The following DNAJB14 variants were observed in gnomAD, a reference collection of about 807,000 sequenced individuals.
DNAJB14 encodes DnaJ heat shock protein family (Hsp40) member B14, also known as dnaJ homolog subfamily B member 14.
DNAJB14 carries 22 observed loss-of-function variants against 48.4 expected under a neutral mutation model. The ratio of observed to expected loss-of-function variants is 0.45; its 90% CI spans 0.32 to 0.65. DNAJB14 has a LOEUF of 0.65. DNAJB14 is among the 30% of genes least tolerant of loss of function. The probability of loss-of-function intolerance (pLI) is 0.03; values close to 1 mark genes in which losing one functional copy is unlikely to be tolerated. For missense variants in DNAJB14, 319 were observed against 458.8 expected, an observed-to-expected ratio of 0.70 and a Z score of 2.78; for synonymous variants, 142 against 158.7, an observed-to-expected ratio of 0.89 and a Z score of 0.79.
At chr4:99,902,142 C>T (rs375685661) in intron 7 of DNAJB14, among the ~76,000 whole-genome samples, 13 of 152,154 alleles carry the variant, frequency 8.5e-5, no homozygotes, top group African/African-American at 2.2e-4. Context: ...GAAGTTCACA[C>T]TGCTAACGAA....
At chr4:99,902,197 A>G (rs1409583589) in intron 7 of DNAJB14, among the ~76,000 whole-genome samples, 1 of 152,066 alleles carries the variant, frequency 6.6e-6, no homozygotes, top group African/African-American at 2.4e-5. Flanking sequence ...GCCTAGCCTA[A>G]TATTCTTTCC....
chr4:99,914,951 G>A (rs2110201631), intron 3 of DNAJB14, among the ~76,000 whole-genome samples: 1 of 151,926 alleles, frequency 6.6e-6, no homozygotes, highest in Non-Finnish European at 1.5e-5. Flanking sequence ...ATTTTTTTCA[G>A]AGAACCAGCT....
At chr4:99,914,295 C>A (rs935851707) in intron 3 of DNAJB14, among the ~76,000 whole-genome samples, 1 of 152,164 alleles carries the variant, frequency 6.6e-6, no homozygotes, top group African/African-American at 2.4e-5. Flanking sequence ...CACATATACA[C>A]CATGGAATAC....
chr4:99,900,478 A>T lies in DNAJB14; in HGVS notation c.*550T>A. 1 of 152,100 alleles carries T rather than the reference A, an allele frequency of 6.6e-6. No homozygotes were observed. Among genetic ancestry groups the T allele is most frequent in the African/African-American group, 2.4e-5 (1 of 41,448 alleles). 9.4% of individuals were successfully genotyped at this position (152,100 alleles called of 1,614,324 possible). A position where few individuals can be genotyped will look rare whatever the true frequency, so the allele number is the denominator to read the frequency against. On this transcript the variant is annotated 3_prime_UTR_variant, in exon 8 of 8. Coordinates refer to ENST00000442697, the MANE Select transcript of DNAJB14 (RefSeq NM_001031723.4). ...TATCAATTCCCTCTAAGCTGATAAT[A>T]CTATAAGATTTTACACAAAGTTAAA...
intron 5 of DNAJB14, 30 bp from the exon 6 acceptor site, chr4:99,905,736 T>C: frequency 6.3e-7 from 1 of 1,591,474 alleles, no homozygotes; most frequent in Non-Finnish European, 8.6e-7. Context: ...AATAACAAAT[T>C]GTAATATAAC....
intron 2 of DNAJB14, chr4:99,924,464 G>A: frequency 3.9e-6 from 1 of 256,680 alleles, no homozygotes; most frequent in Non-Finnish European, 7.3e-6. Context: ...GGTAAAAAGG[G>A]AAAGTAATAT....
chr4:99,908,729 C>A lies in DNAJB14; in HGVS notation c.619G>T (p.Gly207Trp). 1.3e-6 allele frequency: 2 copies of A among 1,591,230 alleles called. No individual in the cohort carries two copies. The highest frequency in any genetic ancestry group is 2.3e-5 in the East Asian group (1 of 44,190). ...TPEDLFNIFF[G>W]GGFPSGSVHS... ...AAAATACCTGAAGGAAATCCACCCC[C>A]AAAAAATATATTAAACAAGTCTTCT... The change falls in exon 4 of 8, where the codon GGG becomes TGG. Residue 207 changes from glycine to tryptophan, a missense_variant. Gly to Trp is a radical substitution (Grantham distance 184). Transcript: ENST00000442697.
chr4:99,936,282 A>C (rs547851122), intron 1 of DNAJB14, among the ~76,000 whole-genome samples: 1 of 152,250 alleles, frequency 6.6e-6, no homozygotes, highest in Non-Finnish European at 1.5e-5. Flanking sequence ...AACAGAGAAC[A>C]GAATCACAAA....
chr4:99,913,182 C>T (rs1725726152), intron 3 of DNAJB14, among the ~76,000 whole-genome samples: 1 of 152,024 alleles, frequency 6.6e-6, no homozygotes, highest in African/African-American at 2.4e-5. Flanking sequence ...TTTCCTTTTT[C>T]TCTCTTTAAC....
rs1183150072 is a variant in DNAJB14 at position 99,897,223 on chromosome 4, C to A, written c.*3805G>T. On this transcript the variant is annotated 3_prime_UTR_variant, in exon 8 of 8. Transcript: ENST00000442697. ...AAAAATATATATATATATATATACA[C>A]CTATACATAGACACATCCACAGAAT... 1 of 146,880 alleles carries A rather than the reference C, an allele frequency of 6.8e-6. No homozygotes were observed. Among genetic ancestry groups the A allele is most frequent in the Non-Finnish European group, 1.5e-5 (1 of 66,892 alleles). The allele number at this position is 146,880 out of a possible 1,614,324, so 9.1% of individuals were successfully genotyped here.
chr4:99,926,734 GACAA>G (rs1726269573), intron 2 of DNAJB14: 1 of 150,500 alleles, frequency 6.6e-6, no homozygotes, highest in African/African-American at 2.4e-5. Flanking sequence ...AATTGCCACA[GACAA>G]ACAAAAAAAA....
rs1725379759 is a variant in DNAJB14 at position 99,903,880 on chromosome 4, AAT to A, written c.859_860del (p.Ile287Ter). 1 of 1,612,190 alleles carries A rather than the reference AAT, an allele frequency of 6.2e-7. No homozygotes were observed. The highest frequency in any genetic ancestry group is 8.5e-7 in the Non-Finnish European group (1 of 1,179,182). ...CACCCAAGTTTTCTGTTTGCATTTT[AAT>A]AGTTTGCCCAGTTCCACTGTAAAAG... Reference protein sequence around the residue: ...LYPRSGTGQTIKMQTENLGVV... With the variant: ...LYPRSGTGQTXKMQTENLGVV... On this transcript the variant is annotated frameshift_variant, in exon 7 of 8. Transcript: ENST00000442697. LOFTEE classifies it high-confidence loss of function.
At chr4:99,942,283 T>C (rs1726914895) in intron 1 of DNAJB14, 2 of 152,014 alleles carry the variant, frequency 1.3e-5, no homozygotes, top group South Asian at 4.1e-4. Context: ...CACCAATTGA[T>C]TCAAATTACT....
chr4:99,930,685 G>T, intron 1 of DNAJB14, 64 bp from the exon 2 acceptor site: 1 of 1,488,610 alleles, frequency 6.7e-7, no homozygotes, highest in South Asian at 1.4e-5. Context: ...ATCCTGAGAA[G>T]AAAGTTTTAA....
chr4:99,903,544 C>T (rs1174420506), intron 7 of DNAJB14, among the ~76,000 whole-genome samples, 182 bp downstream of exon 7: 1 of 151,926 alleles, frequency 6.6e-6, no homozygotes, highest in Non-Finnish European at 1.5e-5. Context: ...TTATTAAGTC[C>T]TTACTATGTG....
intron 7 of DNAJB14, 64 bp from the exon 8 acceptor site, chr4:99,901,216 C>A: frequency 7.1e-7 from 1 of 1,403,628 alleles, no homozygotes; most frequent in South Asian, 1.4e-5. Flanking sequence ...TGCTTAAGCT[C>A]AAGTGATGCT....
At chr4:99,933,303 CTTTTTTTTTT>C (rs759298582) in intron 1 of DNAJB14, among the ~76,000 whole-genome samples, 76 of 88,788 alleles carry the variant, frequency 8.6e-4, no homozygotes, top group African/African-American at 3.3e-3. Flanking sequence ...CATAAACAGT[CTTTTTTTTTT>C]TTTTTTTTTT....
At chr4:99,910,294 T>C (rs1339781713) in intron 3 of DNAJB14, 4 of 152,056 alleles carry the variant, frequency 2.6e-5, no homozygotes, top group Admixed American at 6.6e-5. Flanking sequence ...GTGGCCATCA[T>C]TTATGAGTTA....
chr4:99,923,986 G>A, intron 2 of DNAJB14: 2 of 521,394 alleles, frequency 3.8e-6, no homozygotes, highest in Non-Finnish European at 4.9e-6. Flanking sequence ...CATACAGTTT[G>A]TACCTTAAAG....
Sources: gnomAD v4.1 joint callset for allele counts (sites outside exome capture counted in the v4.1 genomes callset) on GRCh38, gnomAD v4.1.1 for gene constraint, MANE v1.5 for transcripts, NCBI Gene and HGNC (gene_info 2026-07-23, HGNC 2026-07-21) for gene names.